The following CFAP20DC variants were observed in gnomAD, a reference collection of about 807,000 sequenced individuals.
CFAP20DC encodes CFAP20 domain containing.
CFAP20DC carries 84 observed loss-of-function variants against 101.7 expected under a neutral mutation model. The ratio of observed to expected loss-of-function variants is 0.83; its 90% CI spans 0.69 to 0.99. The LOEUF is 0.99. Among genes scored for constraint, CFAP20DC ranks in the 50% least tolerant of loss-of-function variants. The pLI, the probability that CFAP20DC is intolerant of heterozygous loss-of-function variation, is 0.00. For synonymous variants in CFAP20DC, 359 were observed against 351.2 expected, an observed-to-expected ratio of 1.02 and a Z score of -0.25; for missense variants, 1,007 against 970.3, an observed-to-expected ratio of 1.04 and a Z score of -0.50.
At chr3:58,796,371 G>A (rs141331732) in intron 15 of CFAP20DC, among the ~76,000 whole-genome samples, 1 of 152,286 alleles carries the variant, frequency 6.6e-6, no homozygotes, top group East Asian at 1.9e-4. Flanking sequence ...GATGATTCTC[G>A]AGGGATTCAG....
At chr3:58,893,878 A>C (rs2082454184) in intron 6 of CFAP20DC, among the ~76,000 whole-genome samples, 1 of 152,034 alleles carries the variant, frequency 6.6e-6, no homozygotes, top group African/African-American at 2.4e-5. Flanking sequence ...AAAGAGGTTT[A>C]ATGGAGAACT....
At chr3:58,794,257 T>C (rs548791685) in intron 15 of CFAP20DC, 17 of 440,818 alleles carry the variant, frequency 3.9e-5, no homozygotes, top group African/African-American at 3.2e-4. Flanking sequence ...ACACCAAACA[T>C]CCAACAGCAT....
intron 15 of CFAP20DC, among the ~76,000 whole-genome samples, chr3:58,793,314 T>C (rs1440900137): frequency 6.6e-6 from 1 of 152,322 alleles, no homozygotes; most frequent in African/African-American, 2.4e-5. Flanking sequence ...CTTCATTTAC[T>C]GTATGCCTTG....
intron 15 of CFAP20DC, among the ~76,000 whole-genome samples, chr3:58,766,988 G>A (rs1382137620): frequency 1.3e-5 from 2 of 152,162 alleles, no homozygotes; most frequent in Non-Finnish European, 2.9e-5. Context: ...TTCTCGTTAA[G>A]AGCTCTCGTC....
At chr3:58,820,231 A>C (rs1225819761) in intron 14 of CFAP20DC, among the ~76,000 whole-genome samples, 22 of 150,142 alleles carry the variant, frequency 1.5e-4, no homozygotes, top group African/African-American at 4.6e-4. Flanking sequence ...GAAAACTGGC[A>C]CAAGACAGGG....
At chr3:58,810,648 CAG>C (rs2074537455) in intron 14 of CFAP20DC, among the ~76,000 whole-genome samples, 1 of 148,396 alleles carries the variant, frequency 6.7e-6, no homozygotes. Flanking sequence ...TGGCACAAGA[CAG>C]GGATGCCCTC....
chr3:58,833,574 G>A (rs576831185), intron 13 of CFAP20DC, among the ~76,000 whole-genome samples: 1 of 152,172 alleles, frequency 6.6e-6, no homozygotes, highest in South Asian at 2.1e-4. Flanking sequence ...ACAATAACAC[G>A]TATTGGCAAG....
intron 4 of CFAP20DC, among the ~76,000 whole-genome samples, chr3:58,939,890 C>T (rs1320337284): frequency 6.6e-6 from 1 of 151,606 alleles, no homozygotes; most frequent in Non-Finnish European, 1.5e-5. Context: ...CCTGAGCCTC[C>T]TGAGTAGCTG....
At chr3:58,774,931 TTC>T (rs2071186029) in intron 15 of CFAP20DC, among the ~76,000 whole-genome samples, 1 of 152,204 alleles carries the variant, frequency 6.6e-6, no homozygotes, top group Admixed American at 6.6e-5. Flanking sequence ...TAAAGATCCA[TTC>T]TCTTTTTGTT....
At chr3:58,814,502 G>GCCC (rs1164983620) in intron 14 of CFAP20DC, among the ~76,000 whole-genome samples, 1 of 151,080 alleles carries the variant, frequency 6.6e-6, no homozygotes, top group African/African-American at 2.5e-5. Flanking sequence ...GGAAGTTCTG[G>GCCC]CCAGGGCAAT....
At chr3:58,769,458 T>C (rs918136320) in intron 15 of CFAP20DC, among the ~76,000 whole-genome samples, 39 of 152,298 alleles carry the variant, frequency 2.6e-4, no homozygotes, top group African/African-American at 8.4e-4. Flanking sequence ...TCTTCACATA[T>C]TGAATTCTCA....
intron 4 of CFAP20DC, among the ~76,000 whole-genome samples, chr3:58,974,898 C>G (rs373249743): frequency 1.3e-5 from 2 of 152,140 alleles, no homozygotes; most frequent in African/African-American, 4.8e-5. Flanking sequence ...CAGCCCACCA[C>G]CACTGGACAC....
At chr3:58,760,545 G>A (rs891672637) in intron 15 of CFAP20DC, among the ~76,000 whole-genome samples, 1 of 151,950 alleles carries the variant, frequency 6.6e-6, no homozygotes, top group Non-Finnish European at 1.5e-5. Context: ...CTGCCTGATT[G>A]CCCTGGCCAG....
intron 6 of CFAP20DC, among the ~76,000 whole-genome samples, chr3:58,901,191 A>G (rs896980079): frequency 6.6e-6 from 1 of 152,236 alleles, no homozygotes; most frequent in African/African-American, 2.4e-5. Flanking sequence ...TATAAAACAC[A>G]AAGTTCTCTG....
chr3:58,974,896 C>G (rs1255865484), intron 4 of CFAP20DC, among the ~76,000 whole-genome samples: 1 of 152,154 alleles, frequency 6.6e-6, no homozygotes, highest in Non-Finnish European at 1.5e-5. Context: ...TCCAGCCCAC[C>G]ACCACTGGAC....
rs1352867493 is a variant in CFAP20DC at position 58,899,556 on chromosome 3, G to A, written c.550+14152C>T. Among the ~76,000 whole-genome samples, 1 of 152,170 alleles carries A rather than the reference G, an allele frequency of 6.6e-6. No individual in the cohort carries two copies. Among genetic ancestry groups the A allele is most frequent in the Non-Finnish European group, 1.5e-5 (1 of 68,030 alleles). ...CCTGGGTCTCTGTGTGTGCCTGAGT[G>A]GCTGCTCTGCTGGGACTCCACACAG... is the stretch of plus-strand genomic sequence containing the variant. On this transcript the variant is annotated intron_variant, in intron 6 of 16. Transcript: ENST00000482387. This position sits in a 1 kb window ranked among gnomAD's most constrained non-coding sequence, Gnocchi z 5.0.
intron 4 of CFAP20DC, 123 bp from the exon 5 acceptor site, chr3:58,937,885 G>A (rs2087933575): frequency 3.1e-6 from 2 of 643,022 alleles, no homozygotes; most frequent in East Asian, 2.8e-5. Flanking sequence ...ATCAAACACA[G>A]AATTTAAGAA....
At chr3:58,901,195 T>C (rs2083115174) in intron 6 of CFAP20DC, among the ~76,000 whole-genome samples, 1 of 152,216 alleles carries the variant, frequency 6.6e-6, no homozygotes, top group Non-Finnish European at 1.5e-5. Context: ...AAACACAAAG[T>C]TCTCTGCCAA....
chr3:58,752,190 C>A (rs959259486), intron 16 of CFAP20DC, among the ~76,000 whole-genome samples: 2 of 152,084 alleles, frequency 1.3e-5, no homozygotes, highest in Non-Finnish European at 2.9e-5. Flanking sequence ...TAATTAACTA[C>A]AAACCACTCA....
Sources: gnomAD v4.1 joint callset for allele counts (sites outside exome capture counted in the v4.1 genomes callset) on GRCh38, gnomAD v4.1.1 for gene constraint, Gnocchi (gnomAD v3.1) non-coding constraint, MANE v1.5 for transcripts, NCBI Gene and HGNC (gene_info 2026-07-23, HGNC 2026-07-21) for gene names.